The following DMXL1 variants were observed in gnomAD, a reference collection of about 807,000 sequenced individuals.
The protein encoded by DMXL1 is dmX-like protein 1.
In DMXL1, 99 loss-of-function variants were observed where a neutral mutation model predicts 319.2. The ratio of observed to expected loss-of-function variants is 0.31; its 90% confidence interval spans 0.26 to 0.37. The LOEUF (loss-of-function observed/expected upper bound fraction) is 0.37, where lower values mean the gene tolerates loss of function less well. Among genes scored for constraint, DMXL1 ranks in the 10% least tolerant of loss-of-function variants. The pLI is 1.00. For synonymous variants in DMXL1, 1,385 were observed against 1,235.2 expected, an observed-to-expected ratio of 1.12 and a Z score of -2.54; for missense variants, 3,745 against 3,595.6, an observed-to-expected ratio of 1.04 and a Z score of -1.06.
At chr5:119,114,572 T>G in intron 6 of DMXL1, 31 bp downstream of exon 6, 1 of 1,484,426 alleles carries the variant, frequency 6.7e-7, no homozygotes, top group Admixed American at 1.8e-5. Flanking sequence ...TGCCAAATTA[T>G]GTGTTTATAG....
intron 34 of DMXL1, among the ~76,000 whole-genome samples, chr5:119,208,805 G>T (rs994192497): frequency 6.6e-6 from 1 of 152,066 alleles, no homozygotes; most frequent in Non-Finnish European, 1.5e-5. Flanking sequence ...CCACAACCAG[G>T]ATAATGATTA....
chr5:119,197,970 T>G lies in DMXL1; in HGVS notation c.7745+14T>G, dbSNP rs754916390. 5.6e-6 allele frequency: 9 copies of G among 1,613,294 alleles called. No individual in the cohort carries two copies. The Admixed American group carries it at 8.3e-5, about 15-fold the overall frequency. The stretch of plus-strand genomic sequence containing the variant: ...CACTCCTTTCAAGTAGGTTTTCTTA[T>G]GAATGCTATTTGGGTTTTTTTGTTT... On this transcript the variant is annotated intron_variant, in intron 32 of 43. Coordinates refer to ENST00000539542, the MANE Select transcript of DMXL1 (RefSeq NM_001290321.3).
Position 119,150,425 on chromosome 5 carries a change from A to C in DMXL1, c.4594+4A>C. The C allele has an allele frequency of 1.2e-6, 2 of 1,607,168 alleles. No individual in the cohort carries two copies. Among genetic ancestry groups the C allele is most frequent in the Non-Finnish European group, 1.7e-6 (2 of 1,177,400 alleles). On this transcript the variant is annotated splice_donor_region_variant and intron_variant, in intron 18 of 43. Coordinates refer to ENST00000539542, the MANE Select transcript of DMXL1 (RefSeq NM_001290321.3). ...GAAAGCCGAGACAGAAGCCAAGGTA[A>C]AACTAAACTCCGTACTGATAACATT... is the stretch of plus-strand genomic sequence containing the variant.
intron 37 of DMXL1, 102 bp downstream of exon 37, chr5:119,221,183 A>C: frequency 5.0e-6 from 4 of 804,966 alleles, no homozygotes; most frequent in Non-Finnish European, 7.4e-6. Context: ...TAATTCCTAA[A>C]GTTTTAGTAA....
intron 23 of DMXL1, among the ~76,000 whole-genome samples, chr5:119,168,721 T>A (rs538088188): frequency 0.011 from 1,546 of 146,168 alleles, 13 homozygotes; most frequent in Non-Finnish European, 0.015. Flanking sequence ...TGTTTTTATT[T>A]AAAAAAAAAA....
chr5:119,108,696 A>G (rs1758892947), intron 4 of DMXL1, among the ~76,000 whole-genome samples: 1 of 152,212 alleles, frequency 6.6e-6, no homozygotes, highest in Non-Finnish European at 1.5e-5. Flanking sequence ...GTGGGATTAC[A>G]GGTGTGAGCC....
At chr5:119,096,968 AT>A (rs1756112882) in intron 1 of DMXL1, among the ~76,000 whole-genome samples, 1 of 152,208 alleles carries the variant, frequency 6.6e-6, no homozygotes, top group Non-Finnish European at 1.5e-5. Flanking sequence ...GACAAAAGAC[AT>A]TTAAAAATTG....
chr5:119,122,770 A>G (rs1762487651), intron 9 of DMXL1, among the ~76,000 whole-genome samples: 1 of 148,486 alleles, frequency 6.7e-6, no homozygotes. Flanking sequence ...GGCGCTCCTC[A>G]CTTACTAGAT....
rs146366049 is a variant in DMXL1 at position 119,184,323 on chromosome 5, C to G, written c.7136-5385C>G. ...AAGTGATCTTCCCACCTCAGCCTCC[C>G]AAATTGCTGGGATTACAGGTGTGAG... On this transcript the variant is annotated intron_variant, in intron 28 of 43. Transcript: ENST00000539542. 5.3e-3 allele frequency among the ~76,000 whole-genome samples: 814 copies of G among 152,242 alleles called. 3 individuals carry two copies. Among genetic ancestry groups the G allele is most frequent in the African/African-American group, 0.019 (786 of 41,554 alleles).
intron 1 of DMXL1, among the ~76,000 whole-genome samples, chr5:119,091,547 T>G (rs1289170636): frequency 1.3e-5 from 2 of 152,270 alleles, no homozygotes; most frequent in East Asian, 3.9e-4. Context: ...GTCTTTGCAT[T>G]TATGGATTAG....
At chr5:119,114,870 A>ATATT (rs1320439808) in intron 6 of DMXL1, among the ~76,000 whole-genome samples, 1 of 152,122 alleles carries the variant, frequency 6.6e-6, no homozygotes, top group Non-Finnish European at 1.5e-5. Flanking sequence ...GGATTTCACC[A>ATATT]TATTGGCCAG....
intron 29 of DMXL1, among the ~76,000 whole-genome samples, chr5:119,190,500 C>G (rs938559443): frequency 7.2e-5 from 11 of 152,148 alleles, no homozygotes; most frequent in Admixed American, 6.5e-4. Flanking sequence ...TCATACACAG[C>G]AAAGCATGCA....
At chr5:119,210,912 G>A (rs1046815234) in intron 34 of DMXL1, among the ~76,000 whole-genome samples, 6 of 150,048 alleles carry the variant, frequency 4.0e-5, no homozygotes, top group African/African-American at 1.5e-4. Context: ...TAAGTTTGTT[G>A]TAGATGCCCT....
chr5:119,108,123 G>A (rs1447773106), intron 4 of DMXL1, among the ~76,000 whole-genome samples: 1 of 152,196 alleles, frequency 6.6e-6, no homozygotes. Flanking sequence ...AGCAGTTTGG[G>A]AGGCTGAGTT....
At chr5:119,166,438 T>TA (rs1773460298) in intron 21 of DMXL1, among the ~76,000 whole-genome samples, 178 bp from the exon 22 acceptor site, 1 of 152,224 alleles carries the variant, frequency 6.6e-6, no homozygotes, top group African/African-American at 2.4e-5. Flanking sequence ...CTCTGAGACT[T>TA]ATATAACAAA....
chr5:119,127,625 G>C (rs768752612), intron 9 of DMXL1: 2 of 168,608 alleles, frequency 1.2e-5, no homozygotes, highest in Non-Finnish European at 2.5e-5. Flanking sequence ...TTTTAGTAGA[G>C]ATGGGGTTTC....
Position 119,071,452 on chromosome 5 carries a change from G to T in DMXL1, c.-118G>T. On this transcript the variant is annotated 5_prime_UTR_variant, in exon 1 of 44. Coordinates refer to ENST00000539542, the MANE Select transcript of DMXL1 (RefSeq NM_001290321.3). Reference sequence around the variant, plus strand: ...GCTCCGGCTCCAGGCGCCTGTCGCTGCTTCTGCCGTCGCCACCGAAGAGCG... The same window carrying T: ...GCTCCGGCTCCAGGCGCCTGTCGCTTCTTCTGCCGTCGCCACCGAAGAGCG... The T allele has an allele frequency of 9.8e-7, 1 of 1,021,260 alleles. No individual in the cohort carries two copies. 63.3% of individuals were successfully genotyped at this position (1,021,260 alleles called of 1,614,324 possible). A position where few individuals can be genotyped will look rare whatever the true frequency, so the allele number is the denominator to read the frequency against.
intron 28 of DMXL1, among the ~76,000 whole-genome samples, chr5:119,189,096 C>G (rs1034869904): frequency 6.6e-6 from 1 of 151,860 alleles, no homozygotes; most frequent in African/African-American, 2.4e-5. Context: ...AGGTAATATA[C>G]TAAAAAAATA....
intron 1 of DMXL1, among the ~76,000 whole-genome samples, chr5:119,093,694 G>T (rs1755307803): frequency 6.6e-6 from 1 of 152,146 alleles, no homozygotes; most frequent in Admixed American, 6.6e-5. Flanking sequence ...CCAAAACCTA[G>T]GCCTATTGTG....
Sources: gnomAD v4.1 joint callset for allele counts (sites outside exome capture counted in the v4.1 genomes callset) on GRCh38, gnomAD v4.1.1 for gene constraint, MANE v1.5 for transcripts, NCBI Gene and HGNC (gene_info 2026-07-23, HGNC 2026-07-21) for gene names.